Variants in CTIF observed in about 807,000 individuals in gnomAD.
The protein encoded by CTIF is cap binding complex dependent translation initiation factor.
Under a neutral mutation model 66.0 loss-of-function variants are expected in CTIF, and 21 were observed. The ratio of observed to expected loss-of-function variants is 0.32; its 90% CI spans 0.23 to 0.46. The LOEUF is 0.46. Ranked by LOEUF, CTIF falls within the 20% of genes least tolerant of loss-of-function variation. The pLI is 1.00. For synonymous variants in CTIF, 345 were observed against 326.4 expected (o/e 1.06, Z -0.62); for missense variants, 739 against 812.7 (o/e 0.91, Z 1.10).
intron 1 of CTIF, among the ~76,000 whole-genome samples, chr18:48,588,215 C>T (rs916175888): frequency 1.4e-4 from 22 of 152,366 alleles, no homozygotes; most frequent in Non-Finnish European, 2.4e-4. Context: ...GAGGACACCC[C>T]CCAGCCCACT....
intron 9 of CTIF, among the ~76,000 whole-genome samples, chr18:48,772,372 A>G (rs893065751): frequency 6.6e-6 from 1 of 152,008 alleles, no homozygotes; most frequent in Non-Finnish European, 1.5e-5. Flanking sequence ...ACAGTTCAGC[A>G]GTACCCCGCA....
At chr18:48,851,272 G>A (rs564012988) in intron 10 of CTIF, among the ~76,000 whole-genome samples, 2 of 152,228 alleles carry the variant, frequency 1.3e-5, no homozygotes, top group African/African-American at 4.8e-5. Flanking sequence ...ACAAAGATAC[G>A]AGAAGGGAAG....
intron 7 of CTIF, 144 bp from the exon 8 acceptor site, chr18:48,757,775 C>A: frequency 2.7e-6 from 3 of 1,124,668 alleles, no homozygotes; most frequent in Non-Finnish European, 3.8e-6. Flanking sequence ...CAGACTCTGG[C>A]ACGTAGAAGG....
intron 10 of CTIF, among the ~76,000 whole-genome samples, chr18:48,827,470 G>C (rs2068605110): frequency 6.6e-6 from 1 of 152,154 alleles, no homozygotes; most frequent in Admixed American, 6.5e-5. Flanking sequence ...ACCTCAAAGG[G>C]CATCCCGGCA....
chr18:48,831,211 T>G (rs1477529647), intron 10 of CTIF, among the ~76,000 whole-genome samples: 1 of 152,380 alleles, frequency 6.6e-6, no homozygotes, highest in East Asian at 1.9e-4. Flanking sequence ...GTGCCCACAC[T>G]GTGAGTGAAC....
intron 7 of CTIF, among the ~76,000 whole-genome samples, chr18:48,754,414 T>C (rs1908139329): frequency 6.6e-6 from 1 of 152,170 alleles, no homozygotes; most frequent in Non-Finnish European, 1.5e-5. Context: ...GTTCTTGGCC[T>C]GCCTGCACAC....
Position 48,664,463 on chromosome 18 carries a change from C to T in CTIF, c.343C>T (p.Leu115=), listed in dbSNP as rs147353000. Reference sequence around the variant, plus strand: ...GCCCTCTAGTGGTGCCACCTGGGACCTGCAGCCGGAAAAGCTGGACTTCAC... The same window carrying T: ...GCCCTCTAGTGGTGCCACCTGGGACTTGCAGCCGGAAAAGCTGGACTTCAC... ...FDSFSGATWD[L]QPEKLDFTQF... Residue 115 remains leucine (L), a synonymous_variant, in exon 5 of 12, where the codon CTG becomes TTG. Transcript: ENST00000256413. 1.2e-6 allele frequency: 2 copies of T among 1,613,744 alleles called. No individual in the cohort carries two copies. The highest frequency in any genetic ancestry group is 2.7e-5 in the African/African-American group (2 of 75,054).
At chr18:48,636,707 C>T (rs747853859) in intron 3 of CTIF, 22 bp downstream of exon 3, 2 of 1,571,506 alleles carry the variant, frequency 1.3e-6, no homozygotes, top group South Asian at 2.4e-5. Flanking sequence ...GCTCTGCGCT[C>T]TGTCTGGGGG....
rs555182328 is a variant in CTIF at position 48,674,444 on chromosome 18, G to C, written c.507+3700G>C. On this transcript the variant is annotated intron_variant, in intron 6 of 11. Coordinates refer to ENST00000256413, the MANE Select transcript of CTIF (RefSeq NM_014772.3). Reference sequence around the variant, plus strand: ...CTGAATGCCTGTTGATCTCCTGGGAGCCCTAGCTTATCTCTCAGTGGGTTA... The same window carrying C: ...CTGAATGCCTGTTGATCTCCTGGGACCCCTAGCTTATCTCTCAGTGGGTTA... Among the ~76,000 whole-genome samples, 24 of 152,352 alleles carry C rather than the reference G, an allele frequency of 1.6e-4. No individual in the cohort carries two copies. The South Asian group carries it at 4.3e-3, about 28-fold the overall frequency.
intron 6 of CTIF, among the ~76,000 whole-genome samples, chr18:48,681,040 C>T (rs1381230045): frequency 2.0e-5 from 3 of 152,234 alleles, no homozygotes; most frequent in East Asian, 3.9e-4. Context: ...CGCCGGCAGG[C>T]GGCCCCCCCA....
At chr18:48,681,034 G>A (rs886503032) in intron 6 of CTIF, among the ~76,000 whole-genome samples, 8 of 152,228 alleles carry the variant, frequency 5.3e-5, no homozygotes, top group East Asian at 1.9e-4. Context: ...CTGACCCGCC[G>A]GCAGGCGGCC....
Position 48,857,659 on chromosome 18 carries a change from G to T in CTIF, c.1581+18G>T. ...CTATGGAGGTAAGCTTTGGGGCTTC[G>T]ACATCCCCAACCTCAAAGCCGGTGC... is the stretch of plus-strand genomic sequence containing the variant. On this transcript the variant is annotated intron_variant, in intron 11 of 11. Transcript: ENST00000256413. 2 of 1,596,222 alleles carry T rather than the reference G, an allele frequency of 1.3e-6. No individual in the cohort carries two copies. The highest frequency in any genetic ancestry group is 1.7e-6 in the Non-Finnish European group (2 of 1,171,108).
At chr18:48,810,524 C>T (rs1281999646) in intron 9 of CTIF, among the ~76,000 whole-genome samples, 2 of 152,018 alleles carry the variant, frequency 1.3e-5, no homozygotes, top group Non-Finnish European at 2.9e-5. Context: ...CAGTATGTAA[C>T]CTGTACAATT....
intron 9 of CTIF, among the ~76,000 whole-genome samples, chr18:48,814,544 A>G (rs1218236417): frequency 6.6e-6 from 1 of 152,194 alleles, no homozygotes; most frequent in East Asian, 1.9e-4. Flanking sequence ...AGTTGTCCCC[A>G]TTTTAAAATG....
At chr18:48,716,023 G>A (rs967464871) in intron 7 of CTIF, among the ~76,000 whole-genome samples, 2 of 152,204 alleles carry the variant, frequency 1.3e-5, no homozygotes, top group Non-Finnish European at 2.9e-5. Flanking sequence ...TCTTTGCCCA[G>A]AGCAGTTGTC....
intron 1 of CTIF, among the ~76,000 whole-genome samples, chr18:48,543,627 G>T (rs1037189127): frequency 5.9e-5 from 9 of 152,272 alleles, no homozygotes; most frequent in Middle Eastern, 3.4e-3. Context: ...ACCCAGAGCT[G>T]GGGAGGACTT....
chr18:48,615,200 G>A (rs762816966), intron 1 of CTIF, among the ~76,000 whole-genome samples: 9 of 152,210 alleles, frequency 5.9e-5, no homozygotes, highest in Non-Finnish European at 1.2e-4. Flanking sequence ...CCAGCTGAAT[G>A]CTGTTTTATG....
chr18:48,793,512 A>G (rs999329329), intron 9 of CTIF, among the ~76,000 whole-genome samples: 6 of 152,274 alleles, frequency 3.9e-5, no homozygotes, highest in African/African-American at 7.2e-5. Context: ...AGCGCCCACT[A>G]TATTTTGTGC....
chr18:48,699,711 C>T (rs1327928615), intron 6 of CTIF, among the ~76,000 whole-genome samples: 1 of 152,210 alleles, frequency 6.6e-6, no homozygotes, highest in Non-Finnish European at 1.5e-5. Context: ...GGGCTGTCGA[C>T]ATGCCATTCA....
Sources: gnomAD v4.1 joint callset for allele counts (sites outside exome capture counted in the v4.1 genomes callset) on GRCh38, gnomAD v4.1.1 for gene constraint, MANE v1.5 for transcripts, NCBI Gene and HGNC (gene_info 2026-07-23, HGNC 2026-07-21) for gene names.